RGS14: variants seen among roughly 807,000 people sequenced by gnomAD.
The protein encoded by RGS14 is regulator of G protein signaling 14.
RGS14 carries 33 observed loss-of-function variants against 63.8 expected under a neutral mutation model. The observed-to-expected ratio is 0.52, with a 90% CI of 0.39 to 0.69. The LOEUF (loss-of-function observed/expected upper bound fraction) is 0.69. Among genes scored for constraint, RGS14 ranks in the 30% least tolerant of loss-of-function variants. The probability of loss-of-function intolerance (pLI) is 0.00; values close to 1 mark genes in which losing one functional copy is unlikely to be tolerated. For missense variants in RGS14, 739 were observed against 742.9 expected (o/e 0.99, Z 0.06); for synonymous variants, 296 against 320.9 (o/e 0.92, Z 0.83).
intron 9 of RGS14, among the ~76,000 whole-genome samples, chr5:177,369,782 G>C (rs1762195846): frequency 6.6e-6 from 1 of 152,216 alleles, no homozygotes; most frequent in Non-Finnish European, 1.5e-5. Flanking sequence ...GTAGTGGGAG[G>C]CATTTTGCCC....
chr5:177,371,841 G>C lies in RGS14; in HGVS notation c.1499-32G>C. 2 of 1,597,196 alleles carry C rather than the reference G, an allele frequency of 1.3e-6. No homozygotes were observed. The highest frequency in any genetic ancestry group is 1.3e-5 in the African/African-American group (1 of 74,782). On this transcript the variant is annotated intron_variant, in intron 14 of 14. Transcript: ENST00000408923. This position sits in a 1 kb window ranked among gnomAD's most constrained non-coding sequence, Gnocchi z 6.1. ...GGGCTGGCATATAGGCAGGTCTGCT[G>C]GGGGGACCCTCATGCTGTGGCTTGC... is the stretch of plus-strand genomic sequence containing the variant.
chr5:177,368,304 G>C, intron 8 of RGS14, 38 bp downstream of exon 8: 2 of 1,577,814 alleles, frequency 1.3e-6, no homozygotes, highest in Middle Eastern at 1.7e-4. Context: ...TGCTCTATGG[G>C]CTAGAGTCAC....
Position 177,357,977 on chromosome 5 carries a change from C to T in RGS14, c.-48C>T. ...AGCTCTGGCCGGCGCTGCCCACAGT[C>T]CCCATGGTGGGCAGCCCCCGCGGCG... On this transcript the variant is annotated 5_prime_UTR_variant, in exon 1 of 15. Coordinates refer to ENST00000408923, the MANE Select transcript of RGS14 (RefSeq NM_006480.5). 6 of 1,326,168 alleles carry T rather than the reference C, an allele frequency of 4.5e-6. No homozygotes were observed. The South Asian group carries it at 1.1e-4, about 25-fold the overall frequency. The allele number at this position is 1,326,168 out of a possible 1,614,324, so 82.2% of individuals were successfully genotyped here.
At chr5:177,360,841 A>G (rs984989114) in intron 1 of RGS14, among the ~76,000 whole-genome samples, 10 of 152,176 alleles carry the variant, frequency 6.6e-5, no homozygotes, top group Non-Finnish European at 7.3e-5. Context: ...TGAACCTGGG[A>G]GGCAGAGGTT....
chr5:177,366,918 C>G lies in RGS14; in HGVS notation c.367C>G (p.Gln123Glu), dbSNP rs1279297922. 1 of 1,613,894 alleles carries G rather than the reference C, an allele frequency of 6.2e-7. No individual in the cohort carries two copies. Among genetic ancestry groups the G allele is most frequent in the Admixed American group, 1.7e-5 (1 of 60,004 alleles). Residue 123 changes from glutamine (Q) to glutamate (E), a missense_variant, in exon 5 of 15, where the codon CAG (glutamine) becomes GAG (glutamate). Coordinates refer to ENST00000408923, the MANE Select transcript of RGS14 (RefSeq NM_006480.5). ...QLAQEARNIY[Q>E]EFLSSQALSP... The stretch of plus-strand genomic sequence containing the variant: ...AGCTCAGGAGGCCCGCAACATCTAC[C>G]AGGAGTTCCTGTCCAGCCAGGCGCT...
At chr5:177,367,338 A>C (rs1051419949) in intron 5 of RGS14, 76 bp from the exon 6 acceptor site, 1 of 1,494,816 alleles carries the variant, frequency 6.7e-7, no homozygotes, top group African/African-American at 1.4e-5. Context: ...GCCAGCCCCA[A>C]GGACCCGGCC....
intron 1 of RGS14, among the ~76,000 whole-genome samples, chr5:177,363,545 G>A (rs1762022157): frequency 6.6e-6 from 1 of 152,270 alleles, no homozygotes; most frequent in African/African-American, 2.4e-5. Context: ...TTCTATGGCG[G>A]GAGTGGCAAA....
chr5:177,358,063 G>C lies in RGS14; in HGVS notation c.39G>C (p.Gly13=). ...CCAAGCACCTGGGCGTCCCCAACGGGCGCATGGTGAGTGTGGGCTCCGGGC... is the reference window on the plus strand; with the variant it reads ...CCAAGCACCTGGGCGTCCCCAACGGCCGCATGGTGAGTGTGGGCTCCGGGC... ...GKPKHLGVPN[G]RMVLAVSDGE... is the part of the protein sequence containing the mutation. The change falls in exon 1 of 15, where the codon GGG becomes GGC. Residue 13 remains glycine, a synonymous_variant. Transcript: ENST00000408923. The surrounding 1 kb of genome is among the most constrained non-coding windows in gnomAD (Gnocchi z 4.8). 7.4e-6 allele frequency: 10 copies of C among 1,357,980 alleles called. No individual in the cohort carries two copies. The highest frequency in any genetic ancestry group is 9.6e-6 in the Non-Finnish European group (10 of 1,045,214). The allele number at this position is 1,357,980 out of a possible 1,614,324, so 84.1% of individuals were successfully genotyped here.
In RGS14 at chr5:177,371,111, G is replaced by C. The variant is rs1469471517; in HGVS notation, c.1255-54G>C. The C allele has an allele frequency of 8.1e-7, 1 of 1,240,376 alleles. No individual in the cohort carries two copies. Among genetic ancestry groups the C allele is most frequent in the Non-Finnish European group, 1.1e-6 (1 of 951,250 alleles). The allele number at this position is 1,240,376 out of a possible 1,614,324, so 76.8% of individuals were successfully genotyped here. A position where few individuals can be genotyped will look rare whatever the true frequency, so the allele number is the denominator to read the frequency against. ...CGGGGCCGGGGCCGGGGCCGGGGCC[G>C]GGGCCGGGGCCGGGCGGAGGCCTGT... On this transcript the variant is annotated intron_variant, in intron 11 of 14. Coordinates refer to ENST00000408923, the MANE Select transcript of RGS14 (RefSeq NM_006480.5). The surrounding 1 kb of genome is among the most constrained non-coding windows in gnomAD (Gnocchi z 6.1).
At chr5:177,368,048 GGGCCCCTGCAGGAT>G in intron 7 of RGS14, 95 bp from the exon 8 acceptor site, 1 of 1,507,330 alleles carries the variant, frequency 6.6e-7, no homozygotes, top group Non-Finnish European at 8.8e-7. Context: ...ATTTACACCT[GGGCCCCTGCAGGAT>G]GGCTCCAAAC....
intron 9 of RGS14, among the ~76,000 whole-genome samples, chr5:177,369,715 G>C (rs977697439): frequency 4.6e-5 from 7 of 152,256 alleles, no homozygotes; most frequent in African/African-American, 1.7e-4. Context: ...GCAAAGGCCT[G>C]CAGGTGGGTA....
chr5:177,367,374 AC>A (rs1231157575), intron 5 of RGS14, 39 bp from the exon 6 acceptor site: 1 of 1,553,832 alleles, frequency 6.4e-7, no homozygotes. Flanking sequence ...CAGCGCCCCC[AC>A]CCCAGCCCCG....
chr5:177,362,604 G>A (rs1472531730), intron 1 of RGS14, among the ~76,000 whole-genome samples: 1 of 152,202 alleles, frequency 6.6e-6, no homozygotes, highest in Non-Finnish European at 1.5e-5. Flanking sequence ...CCCAGGCACT[G>A]GCAATGGCAA....
rs1762051631 is a variant in RGS14, at chr5:177,364,679, G to A, written c.46-1284G>A. ...GGGGTTGAGGCCACATTGCATGAGT[G>A]GGAGATAGTGGGGAAGCTGGAGGAG... is the stretch of plus-strand genomic sequence containing the variant. On this transcript the variant is annotated intron_variant, in intron 1 of 14. Coordinates refer to ENST00000408923, the MANE Select transcript of RGS14 (RefSeq NM_006480.5). The surrounding 1 kb of genome is among the most constrained non-coding windows in gnomAD (Gnocchi z 4.6). Among the ~76,000 whole-genome samples the A allele has an allele frequency of 6.6e-6, 1 of 152,166 alleles. No homozygotes were observed.
chr5:177,366,726 T>G lies in RGS14; in HGVS notation c.265T>G (p.Phe89Val). 1 of 1,613,048 alleles carries G rather than the reference T, an allele frequency of 6.2e-7. No individual in the cohort carries two copies. Among genetic ancestry groups the G allele is most frequent in the South Asian group, 1.1e-5 (1 of 91,014 alleles). Residue 89 changes from phenylalanine to valine, a missense_variant, in exon 4 of 15, where the codon TTC (phenylalanine) becomes GTC (valine). Transcript: ENST00000408923. The stretch of plus-strand genomic sequence containing the variant: ...CTCCCAGGAGTTCCTGAAGAAGGAG[T>G]TCAGCGCGGAAAACGTGACTTTCTG... ...AYFTEFLKKE[F>V]SAENVTFWKA...
Position 177,368,755 on chromosome 5 carries a change from TG to T in RGS14, c.889del (p.Glu297LysfsTer83). ...GCCTTGGGAGCACGGAGGGTGAAAG[TG>T]AAAGCCGGCCAGGGAAGTACTGCTG... is the stretch of plus-strand genomic sequence containing the variant. The part of the protein sequence containing the change: ...KSLGSTEGES[E>X]SRPGKYCCVY... On this transcript the variant is annotated frameshift_variant, in exon 9 of 15. Transcript: ENST00000408923. LOFTEE classifies it high-confidence loss of function. The T allele has an allele frequency of 6.2e-7, 1 of 1,614,168 alleles. No individual in the cohort carries two copies. The highest frequency in any genetic ancestry group is 1.7e-4 in the Middle Eastern group (1 of 6,056).
chr5:177,366,998 G>T lies in RGS14; in HGVS notation c.447G>T (p.Glu149Asp). Residue 149 changes from glutamate (E) to aspartate (D), a missense_variant, in exon 5 of 15, where the codon GAG becomes GAT. Glu to Asp is a conservative substitution (Grantham distance 45, BLOSUM62 2). Coordinates refer to ENST00000408923, the MANE Select transcript of RGS14 (RefSeq NM_006480.5). ...QAWLGEEVLA[E>D]PRPDMFRAQQ... ...GGCTTGGCGAGGAGGTGCTGGCCGA[G>T]CCCCGGCCGGACATGTTTCGGGCAC... 1.2e-6 allele frequency: 2 copies of T among 1,612,930 alleles called. No individual in the cohort carries two copies. The highest frequency in any genetic ancestry group is 1.7e-6 in the Non-Finnish European group (2 of 1,179,850).
In RGS14 at chr5:177,367,450, TTCG is replaced by T. The variant is rs1186748566; in HGVS notation, c.523_525del (p.Val175del). On this transcript the variant is annotated inframe_deletion, in exon 6 of 15. Coordinates refer to ENST00000408923, the MANE Select transcript of RGS14 (RefSeq NM_006480.5). ...GATGAAGTTCGACAGCTATGCGCGC[TTCG>T]TCAAGTCCCCGCTGTACCGCGAGTG... is the stretch of plus-strand genomic sequence containing the variant. 1 of 1,611,894 alleles carries T rather than the reference TTCG, an allele frequency of 6.2e-7. No homozygotes were observed. Among genetic ancestry groups the T allele is most frequent in the Admixed American group, 1.7e-5 (1 of 59,846 alleles).
chr5:177,358,223 G>A lies in RGS14; in HGVS notation c.45+154G>A, dbSNP rs1474467523. Among the ~76,000 whole-genome samples, 1 of 152,208 alleles carries A rather than the reference G, an allele frequency of 6.6e-6. No homozygotes were observed. The highest frequency in any genetic ancestry group is 1.5e-5 in the Non-Finnish European group (1 of 68,024). On this transcript the variant is annotated intron_variant, in intron 1 of 14. Coordinates refer to ENST00000408923, the MANE Select transcript of RGS14 (RefSeq NM_006480.5). The surrounding 1 kb of genome is among the most constrained non-coding windows in gnomAD (Gnocchi z 4.8). ...AGACAGCAGCAGGTGGTAGGACCTG[G>A]TGCTCTCACCCCTAGACCCTTCCAG...
Sources: allele counts gnomAD v4.1 joint callset (sites outside exome capture counted in the v4.1 genomes callset), GRCh38; gene constraint gnomAD v4.1.1; non-coding constraint Gnocchi (gnomAD v3.1); transcripts MANE v1.5; gene names NCBI Gene and HGNC (gene_info 2026-07-23, HGNC 2026-07-21).